The following LARS2 variants were observed in gnomAD, a reference collection of about 807,000 sequenced individuals.
LARS2 encodes leucine--tRNA ligase, mitochondrial.
A neutral mutation model predicts 116.6 loss-of-function variants in LARS2; 81 were observed. That is an observed-to-expected ratio of 0.69 (90% CI 0.58 to 0.84). The LOEUF (loss-of-function observed/expected upper bound fraction) is 0.84, where lower values mean the gene tolerates loss of function less well. Among genes scored for constraint, LARS2 ranks in the 40% least tolerant of loss-of-function variants. LARS2 has a pLI of 0.00. For synonymous variants in LARS2, 396 were observed against 407.2 expected (o/e 0.97, Z 0.33); for missense variants, 968 against 1,114.5 (o/e 0.87, Z 1.87).
At chr3:45,462,446 A>G (rs553989061) in intron 8 of LARS2, among the ~76,000 whole-genome samples, 7 of 152,270 alleles carry the variant, frequency 4.6e-5, no homozygotes, top group South Asian at 4.1e-4. Flanking sequence ...AGAAAGAAAG[A>G]AAGAAGCAGA....
intron 6 of LARS2, among the ~76,000 whole-genome samples, chr3:45,440,301 G>A (rs1698882726): frequency 6.6e-6 from 1 of 152,166 alleles, no homozygotes; most frequent in Non-Finnish European, 1.5e-5. Context: ...TAAAGTACCT[G>A]GGAAGGCATA....
At chr3:45,456,835 T>C (rs560043219) in intron 7 of LARS2, among the ~76,000 whole-genome samples, 36 of 152,212 alleles carry the variant, frequency 2.4e-4, no homozygotes, top group Non-Finnish European at 4.1e-4. Flanking sequence ...GGGGTACTGC[T>C]TCTATATGTA....
chr3:45,434,352 T>A (rs1429825509), intron 6 of LARS2, among the ~76,000 whole-genome samples: 1 of 152,208 alleles, frequency 6.6e-6, no homozygotes, highest in Non-Finnish European at 1.5e-5. Flanking sequence ...GATTCCTTTG[T>A]CCCTTCCATT....
At chr3:45,497,893 T>G (rs1700044115) in intron 14 of LARS2, among the ~76,000 whole-genome samples, 2 of 147,676 alleles carry the variant, frequency 1.4e-5, no homozygotes, top group African/African-American at 2.5e-5. Context: ...GGCAACAAAG[T>G]GAGACTTCCT....
intron 6 of LARS2, among the ~76,000 whole-genome samples, chr3:45,442,979 C>T (rs1029883629): frequency 2.0e-5 from 3 of 152,148 alleles, no homozygotes; most frequent in Non-Finnish European, 4.4e-5. Flanking sequence ...GTCTTGTTCA[C>T]TATAGGTTTT....
intron 12 of LARS2, among the ~76,000 whole-genome samples, chr3:45,489,865 A>G (rs990271529): frequency 2.6e-5 from 4 of 152,198 alleles, no homozygotes; most frequent in African/African-American, 9.6e-5. Flanking sequence ...TCTGATGTGC[A>G]GCAGAGTCTG....
chr3:45,506,751 A>T (rs542578153), intron 15 of LARS2, among the ~76,000 whole-genome samples: 1 of 152,180 alleles, frequency 6.6e-6, no homozygotes, highest in Non-Finnish European at 1.5e-5. Flanking sequence ...GAACTCAGTT[A>T]TCTCTGAGCA....
At chr3:45,444,621 G>A (rs1409330512) in intron 6 of LARS2, among the ~76,000 whole-genome samples, 1 of 115,170 alleles carries the variant, frequency 8.7e-6, no homozygotes, top group African/African-American at 3.2e-5. Context: ...CCGAGATCCC[G>A]CCACTGCACT....
intron 8 of LARS2, among the ~76,000 whole-genome samples, chr3:45,469,653 T>A (rs547501207): frequency 1.3e-5 from 2 of 152,178 alleles, no homozygotes; most frequent in East Asian, 1.9e-4. Flanking sequence ...CGGGTTTTTT[T>A]AATGTATAAA....
intron 14 of LARS2, among the ~76,000 whole-genome samples, chr3:45,496,645 AG>A (rs1700016508): frequency 6.6e-6 from 1 of 152,208 alleles, no homozygotes; most frequent in Non-Finnish European, 1.5e-5. Flanking sequence ...GCCAGTGGGA[AG>A]GCCCAAGCAA....
chr3:45,500,554 C>G lies in LARS2; in HGVS notation c.1735C>G (p.His579Asp). 1 of 1,560,414 alleles carries G rather than the reference C, an allele frequency of 6.4e-7. No homozygotes were observed. ...FYARFFSHFC[H>D]DQKMVKHREP... is the part of the protein sequence containing the mutation. ...TGCAAGATTCTTTAGTCATTTTTGCCATGATCAAAAAATGGTTAAACATAG... is the reference window on the plus strand; with the variant it reads ...TGCAAGATTCTTTAGTCATTTTTGCGATGATCAAAAAATGGTTAAACATAG... The change falls in exon 15 of 22, where the codon CAT (histidine) becomes GAT (aspartate). Residue 579 changes from histidine to aspartate, a missense_variant. Transcript: ENST00000645846.
chr3:45,467,276 T>C (rs2125714500), intron 8 of LARS2, among the ~76,000 whole-genome samples: 1 of 152,328 alleles, frequency 6.6e-6, no homozygotes, highest in South Asian at 2.1e-4. Flanking sequence ...AACAGATACA[T>C]ACATGTCAAT....
At chr3:45,416,528 T>C (rs1698424913) in intron 4 of LARS2, among the ~76,000 whole-genome samples, 1 of 152,170 alleles carries the variant, frequency 6.6e-6, no homozygotes, top group Non-Finnish European at 1.5e-5. Context: ...TGGGACTGCC[T>C]AGAGCCACCA....
intron 16 of LARS2, 149 bp downstream of exon 16, chr3:45,513,384 C>T: frequency 1.6e-6 from 1 of 624,092 alleles, no homozygotes; most frequent in Non-Finnish European, 2.9e-6. Context: ...GCCTCAGCTC[C>T]CTCTGGGCCT....
Position 45,539,306 on chromosome 3 carries a change from C to T in LARS2, c.2405-2523C>T, listed in dbSNP as rs114205880. Among the ~76,000 whole-genome samples, 264 of 152,132 alleles carry T rather than the reference C, an allele frequency of 1.7e-3. 2 individuals are homozygous for T. Among genetic ancestry groups the T allele is most frequent in the African/African-American group, 6.2e-3 (257 of 41,496 alleles). ...AAATTAAAAAAGTAATAAAATATCC[C>T]TTGTAGAAAATCTGTAACATAGTCT... On this transcript the variant is annotated intron_variant, in intron 20 of 21. Coordinates refer to ENST00000645846, the MANE Select transcript of LARS2 (RefSeq NM_015340.4).
rs537893171 is a variant in LARS2 at position 45,416,160 on chromosome 3, C to T, written c.364-1322C>T. Among the ~76,000 whole-genome samples the T allele has an allele frequency of 2.3e-4, 34 of 148,592 alleles. No homozygotes were observed. The Middle Eastern group carries it at 0.015, about 65-fold the overall frequency. ...TTCAGTAGTTGGGCATGGTGGTGCA[C>T]GCCTGTAATCCCAGCTACTCGGGAG... On this transcript the variant is annotated intron_variant, in intron 4 of 21. Coordinates refer to ENST00000645846, the MANE Select transcript of LARS2 (RefSeq NM_015340.4).
rs192444305 is a variant in LARS2, at chr3:45,512,372, A to G, written c.1761-763A>G. Among the ~76,000 whole-genome samples the G allele has an allele frequency of 1.7e-3, 262 of 152,338 alleles. 1 individual carries two copies. Among genetic ancestry groups the G allele is most frequent in the Non-Finnish European group, 7.5e-4 (51 of 68,026 alleles). ...TGAATCAGGCAGATTCTTAAGAATA[A>G]ACAACTGCAAATTTGCAATAATTTC... On this transcript the variant is annotated intron_variant, in intron 15 of 21. Transcript: ENST00000645846.
chr3:45,487,790 C>T (rs1699841228), intron 11 of LARS2, among the ~76,000 whole-genome samples: 1 of 152,116 alleles, frequency 6.6e-6, no homozygotes, highest in Non-Finnish European at 1.5e-5. Flanking sequence ...AAAAAAAACC[C>T]ATTCTTATGA....
intron 4 of LARS2, among the ~76,000 whole-genome samples, chr3:45,412,113 C>A (rs1390457219): frequency 6.6e-6 from 1 of 152,042 alleles, no homozygotes; most frequent in African/African-American, 2.4e-5. Context: ...TAGGTTGAGT[C>A]CACGTCTTTG....
Sources: gnomAD v4.1 joint callset for allele counts (sites outside exome capture counted in the v4.1 genomes callset) on GRCh38, gnomAD v4.1.1 for gene constraint, MANE v1.5 for transcripts, NCBI Gene and HGNC (gene_info 2026-07-23, HGNC 2026-07-21) for gene names.